PREX2: variants seen among roughly 807,000 people sequenced by gnomAD.
The protein encoded by PREX2 is phosphatidylinositol-3,4,5-trisphosphate dependent Rac exchange factor 2.
A neutral mutation model predicts 203.2 loss-of-function variants in PREX2; 107 were observed. The observed-to-expected ratio is 0.53, with a 90% CI of 0.45 to 0.62. The LOEUF (loss-of-function observed/expected upper bound fraction) is 0.62, where lower values mean the gene tolerates loss of function less well. Among genes scored for constraint, PREX2 ranks in the 20% least tolerant of loss-of-function variants. The pLI, the probability that PREX2 is intolerant of heterozygous loss-of-function variation, is 0.00. For missense variants in PREX2, 1,777 were observed against 1,955.9 expected (o/e 0.91, Z 1.72); for synonymous variants, 672 against 663.6 (o/e 1.01, Z -0.19).
At chr8:68,176,954 A>G (rs1289544681) in intron 35 of PREX2, 1 of 152,130 alleles carries the variant, frequency 6.6e-6, no homozygotes, top group Admixed American at 6.6e-5. Context: ...TTATAAAGAT[A>G]GAGACAATTG....
chr8:68,048,938 A>G (rs1042308424), intron 8 of PREX2, among the ~76,000 whole-genome samples: 1 of 151,954 alleles, frequency 6.6e-6, no homozygotes, highest in Non-Finnish European at 1.5e-5. Flanking sequence ...TGGATTGAGT[A>G]TGTTCTTAAT....
chr8:68,187,246 C>A (rs1388779789), intron 35 of PREX2, among the ~76,000 whole-genome samples: 2 of 152,102 alleles, frequency 1.3e-5, no homozygotes, highest in African/African-American at 4.8e-5. Context: ...GAAAAACATT[C>A]TTTTCTTTTT....
chr8:68,093,243 A>G (rs1809938157), intron 20 of PREX2, among the ~76,000 whole-genome samples: 1 of 151,924 alleles, frequency 6.6e-6, no homozygotes, highest in Non-Finnish European at 1.5e-5. Flanking sequence ...ATACAAAATT[A>G]GCCAGGTATG....
chr8:68,018,530 G>C (rs929279068), intron 2 of PREX2, among the ~76,000 whole-genome samples: 1 of 152,030 alleles, frequency 6.6e-6, no homozygotes, highest in Admixed American at 6.6e-5. Flanking sequence ...TTTGGAGAAG[G>C]AGGGAGCTGA....
At chr8:68,179,761 G>A (rs1166910532) in intron 35 of PREX2, among the ~76,000 whole-genome samples, 2 of 152,120 alleles carry the variant, frequency 1.3e-5, no homozygotes, top group Non-Finnish European at 2.9e-5. Context: ...ATAATTGACT[G>A]AAAGTATTAA....
intron 18 of PREX2, among the ~76,000 whole-genome samples, chr8:68,083,860 A>T (rs1422541216): frequency 1.3e-5 from 2 of 152,204 alleles, no homozygotes; most frequent in Non-Finnish European, 2.9e-5. Flanking sequence ...TCTTTAAAAA[A>T]TTCTATTAAC....
At chr8:68,188,219 A>G (rs751563768) in intron 35 of PREX2, among the ~76,000 whole-genome samples, 18 of 152,218 alleles carry the variant, frequency 1.2e-4, no homozygotes, top group East Asian at 5.8e-4. Flanking sequence ...CATAGATCAG[A>G]TATGCAACTG....
intron 23 of PREX2, among the ~76,000 whole-genome samples, chr8:68,107,066 C>A (rs1159123896): frequency 6.6e-6 from 1 of 152,006 alleles, no homozygotes; most frequent in African/African-American, 2.4e-5. Context: ...GCCGGGGGAG[C>A]TAGAAATAAG....
At chr8:68,061,764 C>T (rs376198479) in intron 11 of PREX2, among the ~76,000 whole-genome samples, 28 of 152,106 alleles carry the variant, frequency 1.8e-4, no homozygotes, top group East Asian at 1.7e-3. Flanking sequence ...GGCCAGCAAG[C>T]GGTTGAGAGT....
intron 33 of PREX2, among the ~76,000 whole-genome samples, chr8:68,143,617 G>A (rs1811268493): frequency 6.6e-6 from 1 of 152,082 alleles, no homozygotes; most frequent in African/African-American, 2.4e-5. Context: ...TGTGTCTTTT[G>A]CAAATATTTT....
intron 2 of PREX2, 106 bp downstream of exon 2, chr8:68,018,023 A>G (rs1006159369): frequency 2.2e-5 from 17 of 781,738 alleles, no homozygotes; most frequent in Non-Finnish European, 3.6e-5. Flanking sequence ...CAGTTCCACT[A>G]CAAGTTGCTG....
chr8:68,179,387 GT>G (rs1193393495), intron 35 of PREX2, among the ~76,000 whole-genome samples: 6 of 151,954 alleles, frequency 3.9e-5, no homozygotes, highest in African/African-American at 1.5e-4. Flanking sequence ...TTATATATCT[GT>G]GTGTGTTCTT....
intron 35 of PREX2, 73 bp downstream of exon 35, chr8:68,157,509 G>T: frequency 1.5e-6 from 1 of 686,988 alleles, no homozygotes; most frequent in Non-Finnish European, 2.5e-6. Context: ...GACTTTTGAT[G>T]CTATTTATCA....
chr8:68,089,271 G>C (rs925698946), intron 19 of PREX2, among the ~76,000 whole-genome samples: 4 of 152,040 alleles, frequency 2.6e-5, no homozygotes, highest in Non-Finnish European at 4.4e-5. Context: ...CTTCTACTGG[G>C]CCCGTATTAC....
intron 1 of PREX2, among the ~76,000 whole-genome samples, chr8:67,972,972 A>G (rs554512471): frequency 1.3e-5 from 2 of 151,666 alleles, no homozygotes; most frequent in Admixed American, 6.6e-5. Context: ...TCCCTCCCCT[A>G]TTTTTCTGTA....
At chr8:67,986,214 A>G (rs775143362) in intron 1 of PREX2, among the ~76,000 whole-genome samples, 6 of 152,236 alleles carry the variant, frequency 3.9e-5, no homozygotes, top group Non-Finnish European at 8.8e-5. Flanking sequence ...GTGTGTGTAT[A>G]TAAATTCTTT....
chr8:68,152,680 T>G (rs2129613825), intron 34 of PREX2, among the ~76,000 whole-genome samples: 1 of 152,220 alleles, frequency 6.6e-6, no homozygotes, highest in South Asian at 2.1e-4. Flanking sequence ...GCAGGCTGAC[T>G]GAGGCACAAG....
chr8:68,172,460 TG>T (rs1811897935), intron 35 of PREX2, among the ~76,000 whole-genome samples: 1 of 152,226 alleles, frequency 6.6e-6, no homozygotes, highest in African/African-American at 2.4e-5. Context: ...ACATTTTGTC[TG>T]TAGGTTATGA....
rs527933769 is a variant in PREX2 at position 68,174,952 on chromosome 8, C to T, written c.4347-16770C>T. ...ACAATATTGTGCACCTGTATGCAAG[C>T]GCAGGAATGTGCACAGCACTGAGGA... On this transcript the variant is annotated intron_variant, in intron 35 of 39. Coordinates refer to ENST00000288368, the MANE Select transcript of PREX2 (RefSeq NM_024870.4). 1.1e-3 allele frequency among the ~76,000 whole-genome samples: 170 copies of T among 152,248 alleles called. 1 individual carries two copies. The highest frequency in any genetic ancestry group is 3.4e-3 in the Middle Eastern group (1 of 294).
Sources: allele counts gnomAD v4.1 joint callset (sites outside exome capture counted in the v4.1 genomes callset), GRCh38; gene constraint gnomAD v4.1.1; transcripts MANE v1.5; gene names NCBI Gene and HGNC (gene_info 2026-07-23, HGNC 2026-07-21).